Variants in NFKBIZ observed in about 807,000 individuals in gnomAD.
NFKBIZ encodes NFKB inhibitor zeta.
In NFKBIZ, 19 loss-of-function variants were observed where a neutral mutation model predicts 76.8. The observed-to-expected ratio is 0.25, with a 90% confidence interval of 0.17 to 0.36. The LOEUF (loss-of-function observed/expected upper bound fraction) is 0.36. Ranked by LOEUF, NFKBIZ falls within the 10% of genes least tolerant of loss-of-function variation. The pLI, the probability that NFKBIZ is intolerant of heterozygous loss-of-function variation, is 1.00. For synonymous variants in NFKBIZ, 368 were observed against 354.8 expected (o/e 1.04, Z -0.42); for missense variants, 829 against 910.9 (o/e 0.91, Z 1.16).
In NFKBIZ at chr3:101,859,380, G is replaced by T. The variant is rs1309765508; in HGVS notation, c.*9G>T. ...GAGCTCCACCGTATTAGCTCCATTA[G>T]CTTGGAGCCTGGCTAGCAACACTCA... is the stretch of plus-strand genomic sequence containing the variant. On this transcript the variant is annotated 3_prime_UTR_variant, in exon 12 of 12. Coordinates refer to ENST00000326172, the MANE Select transcript of NFKBIZ (RefSeq NM_031419.4). 6.2e-7 allele frequency: 1 copy of T among 1,611,676 alleles called. No homozygotes were observed. The highest frequency in any genetic ancestry group is 1.1e-5 in the South Asian group (1 of 91,024).
chr3:101,859,101 A>AAG (rs1354732465), intron 11 of NFKBIZ, among the ~76,000 whole-genome samples: 4 of 150,270 alleles, frequency 2.7e-5, no homozygotes, highest in African/African-American at 9.8e-5. Flanking sequence ...CTTGAACTCA[A>AAG]AGATTATTAT....
At chr3:101,857,532 G>A (rs922405871) in intron 11 of NFKBIZ, 73 bp downstream of exon 11, 1 of 1,590,004 alleles carries the variant, frequency 6.3e-7, no homozygotes, top group African/African-American at 1.3e-5. Flanking sequence ...ATGAGGCTGT[G>A]CAGGGCGAAG....
chr3:101,858,579 T>C (rs188578624), intron 11 of NFKBIZ, among the ~76,000 whole-genome samples: 29 of 152,322 alleles, frequency 1.9e-4, no homozygotes, highest in Non-Finnish European at 3.1e-4. Context: ...TTTGCTTTGG[T>C]ATTTTGTGTG....
chr3:101,846,060 CTT>C (rs1442459050), upstream of NFKBIZ, among the ~76,000 whole-genome samples: 1 of 152,198 alleles, frequency 6.6e-6, no homozygotes. Context: ...TCAGAAATCT[CTT>C]GAGTGTTTTT....
intron 11 of NFKBIZ, chr3:101,858,544 T>C (rs1182265097): frequency 4.2e-6 from 3 of 713,698 alleles, no homozygotes; most frequent in Non-Finnish European, 3.4e-6. Flanking sequence ...TAACTCTTCA[T>C]TAAATGTTCC....
In NFKBIZ at chr3:101,849,919, T is replaced by C; in HGVS notation, c.289+2T>C. 1.4e-6 allele frequency: 2 copies of C among 1,417,042 alleles called. No individual in the cohort carries two copies. Among genetic ancestry groups the C allele is most frequent in the Non-Finnish European group, 9.1e-7 (1 of 1,094,148 alleles). The allele number at this position is 1,417,042 out of a possible 1,614,324, so 87.8% of individuals were successfully genotyped here. On this transcript the variant is annotated splice_donor_variant, in intron 1 of 11. Coordinates refer to ENST00000326172, the MANE Select transcript of NFKBIZ (RefSeq NM_031419.4). LOFTEE classifies it high-confidence loss of function. ...GCGCCCGCGCCGAGCGCCAGCCAGGTACCCGCCGGCCCCGCACCGCTGCGT... is the reference window on the plus strand; with the variant it reads ...GCGCCCGCGCCGAGCGCCAGCCAGGCACCCGCCGGCCCCGCACCGCTGCGT...
chr3:101,835,164 G>A (rs6767773), intron 2 of NFKBIZ, among the ~76,000 whole-genome samples: 6,107 of 152,216 alleles, frequency 0.04, 441 homozygotes, highest in African/African-American at 0.14. Context: ...CCATTTTATG[G>A]ATGAGAAAAG....
At chr3:101,840,435 AC>A (rs1942772936) in intron 2 of NFKBIZ, among the ~76,000 whole-genome samples, 2 of 152,226 alleles carry the variant, frequency 1.3e-5, no homozygotes, top group Admixed American at 6.5e-5. Flanking sequence ...AAAGTGTGGT[AC>A]ACAGGTAGCC....
upstream of NFKBIZ, among the ~76,000 whole-genome samples, chr3:101,845,843 G>A (rs943200568): frequency 3.3e-5 from 5 of 152,164 alleles, no homozygotes; most frequent in Non-Finnish European, 7.4e-5. Flanking sequence ...ACTCTCTGAT[G>A]TATCATTTCA....
chr3:101,829,285 G>T (rs1010929960), intron 1 of NFKBIZ, among the ~76,000 whole-genome samples: 3 of 152,198 alleles, frequency 2.0e-5, no homozygotes, highest in African/African-American at 7.2e-5. Context: ...AGTGCACAGT[G>T]CAGATGACGG....
Position 101,853,300 on chromosome 3 carries a change from T to C in NFKBIZ, c.774T>C (p.His258=). Residue 258 remains histidine, a synonymous_variant, in exon 5 of 12, where the codon CAT becomes CAC. Coordinates refer to ENST00000326172, the MANE Select transcript of NFKBIZ (RefSeq NM_031419.4). ...CCGCAGAGCAGTGTCAGGACTTCCATGGAGGGCAGGTCTTTTCTCCACCTC... is the reference window on the plus strand; with the variant it reads ...CCGCAGAGCAGTGTCAGGACTTCCACGGAGGGCAGGTCTTTTCTCCACCTC... ...SSPAEQCQDF[H]GGQVFSPPQK... The C allele has an allele frequency of 6.2e-7, 1 of 1,614,150 alleles. No individual in the cohort carries two copies. Among genetic ancestry groups the C allele is most frequent in the South Asian group, 1.1e-5 (1 of 91,078 alleles).
chr3:101,855,652 A>G, intron 8 of NFKBIZ, 81 bp from the exon 9 acceptor site: 7 of 1,440,242 alleles, frequency 4.9e-6, no homozygotes, highest in South Asian at 1.4e-5. Context: ...GTTAGAGGCC[A>G]TCCTCAGCAT....
chr3:101,854,988 T>G, intron 6 of NFKBIZ, 74 bp from the exon 7 acceptor site: 2 of 1,455,182 alleles, frequency 1.4e-6, no homozygotes, highest in Non-Finnish European at 1.9e-6. Flanking sequence ...CCCTCAGTCA[T>G]AGTTTAGTTT....
At position 101,855,933 on chromosome 3, in the gene NFKBIZ, T is replaced by C. The variant is rs1943042868; in HGVS notation, c.1824+31T>C. 4 of 1,568,172 alleles carry C rather than the reference T, an allele frequency of 2.6e-6. No homozygotes were observed. The South Asian group carries it at 4.7e-5, about 18-fold the overall frequency. ...TTCACAGAAAAGGTTTAAGATGGGGTAGGGGAGAAACTGGTTATATAGCAA... is the reference window on the plus strand; with the variant it reads ...TTCACAGAAAAGGTTTAAGATGGGGCAGGGGAGAAACTGGTTATATAGCAA... On this transcript the variant is annotated intron_variant, in intron 9 of 11. Transcript: ENST00000326172.
At chr3:101,843,428 G>A (rs1942812867) in intron 2 of NFKBIZ, among the ~76,000 whole-genome samples, 1 of 152,168 alleles carries the variant, frequency 6.6e-6, no homozygotes, top group Admixed American at 6.5e-5. Flanking sequence ...GAGTGACAGA[G>A]TGAAACCCTG....
rs767317773 is a variant in NFKBIZ at position 101,853,542 on chromosome 3, G to C, written c.1016G>C (p.Ser339Thr). Reference protein sequence around the residue: ...GPESQFCPNQSLVSLLGDQRE... With the variant: ...GPESQFCPNQTLVSLLGDQRE... ...GAATCACAGTTTTGCCCAAACCAAA[G>C]CTTAGTTTCCCTTCTTGGTGATCAA... The change falls in exon 5 of 12, where the codon AGC (serine) becomes ACC (threonine). Residue 339 changes from serine (S) to threonine (T), a missense_variant. Physicochemically the swap from Ser to Thr is moderately conservative, Grantham distance 58. Around this residue, in one of 4 missense-constraint regions of NFKBIZ, gnomAD observed 371 missense variants for 332.3 expected, o/e 1.12. Coordinates refer to ENST00000326172, the MANE Select transcript of NFKBIZ (RefSeq NM_031419.4). The C allele has an allele frequency of 6.2e-7, 1 of 1,614,102 alleles. No individual in the cohort carries two copies. Among genetic ancestry groups the C allele is most frequent in the Non-Finnish European group, 8.5e-7 (1 of 1,180,046 alleles).
intron 11 of NFKBIZ, among the ~76,000 whole-genome samples, chr3:101,858,839 A>G (rs1396466057): frequency 1.3e-5 from 2 of 151,858 alleles, no homozygotes; most frequent in Non-Finnish European, 2.9e-5. Context: ...TAATACTTGG[A>G]TATCATGACA....
At chr3:101,831,516 A>G (rs974387413) in intron 2 of NFKBIZ, among the ~76,000 whole-genome samples, 5 of 152,012 alleles carry the variant, frequency 3.3e-5, no homozygotes, top group Non-Finnish European at 7.4e-5. Flanking sequence ...ATGGATTTTA[A>G]AAGTACTGGT....
At chr3:101,852,688 A>G (rs1354650338) in intron 2 of NFKBIZ, 50 bp from the exon 3 acceptor site, 11 of 1,315,616 alleles carry the variant, frequency 8.4e-6, no homozygotes, top group Non-Finnish European at 2.2e-6. Flanking sequence ...GATGTATATT[A>G]AGAGGAAGTC....
Sources: gnomAD v4.1 joint callset for allele counts (sites outside exome capture counted in the v4.1 genomes callset) on GRCh38, gnomAD v4.1.1 for gene constraint, gnomAD v4.1.1 regional missense constraint, MANE v1.5 for transcripts, NCBI Gene and HGNC (gene_info 2026-07-23, HGNC 2026-07-21) for gene names.